The following ST8SIA5 variants were observed in gnomAD, a reference collection of about 807,000 sequenced individuals.
The protein encoded by ST8SIA5 is alpha-2,8-sialyltransferase 8E.
In ST8SIA5, 24 loss-of-function variants were observed where a neutral mutation model predicts 40.2. The ratio of observed to expected loss-of-function variants is 0.60; its 90% CI spans 0.43 to 0.84. ST8SIA5 has a LOEUF of 0.84. Among genes scored for constraint, ST8SIA5 ranks in the 40% least tolerant of loss-of-function variants. The pLI is 0.00. For synonymous variants in ST8SIA5, 198 were observed against 201.8 expected, an observed-to-expected ratio of 0.98 and a Z score of 0.16; for missense variants, 465 against 498.5, an observed-to-expected ratio of 0.93 and a Z score of 0.64.
chr18:46,696,924 C>G (rs990657494), intron 2 of ST8SIA5, among the ~76,000 whole-genome samples: 2 of 151,980 alleles, frequency 1.3e-5, no homozygotes, highest in Non-Finnish European at 2.9e-5. Context: ...TACCTAGAGC[C>G]AATCTGCACA....
Position 46,710,363 on chromosome 18 carries a change from T to TTTTCTTTCTTTCTTTCTTTCTTTCTTTC in ST8SIA5, c.132-5727_132-5700dup, listed in dbSNP as rs71162817. Among the ~76,000 whole-genome samples the TTTTCTTTCTTTCTTTCTTTCTTTCTTTC allele has an allele frequency of 8.1e-4, 93 of 114,484 alleles. 1 individual carries two copies. Among genetic ancestry groups the TTTTCTTTCTTTCTTTCTTTCTTTCTTTC allele is most frequent in the Non-Finnish European group, 1.0e-3 (55 of 54,498 alleles). 75.1% of individuals were successfully genotyped at this position (114,484 alleles called of 152,430 possible). ...CTTCCTTTCCTTCTTTCCTTCTTTC[T>TTTTCTTTCTTTCTTTCTTTCTTTCTTTC]TTTCTTTCTTTCTTTCTTTCTTTCT... On this transcript the variant is annotated intron_variant, in intron 1 of 6. Transcript: ENST00000315087.
At chr18:46,739,208 G>A (rs1222156771) in intron 1 of ST8SIA5, among the ~76,000 whole-genome samples, 3 of 152,070 alleles carry the variant, frequency 2.0e-5, no homozygotes. Flanking sequence ...AGGCAGCGTG[G>A]GTGAAGGCCC....
At chr18:46,721,597 TG>T in intron 1 of ST8SIA5, 1 of 739,716 alleles carries the variant, frequency 1.4e-6, no homozygotes, top group East Asian at 2.7e-5. Flanking sequence ...AAGGAGGCGA[TG>T]GTACTGACTC....
chr18:46,744,933 A>C (rs200888554), intron 1 of ST8SIA5, among the ~76,000 whole-genome samples: 3 of 152,232 alleles, frequency 2.0e-5, no homozygotes, highest in African/African-American at 7.2e-5. Context: ...GCACAACTAC[A>C]TGGAAACTGA....
chr18:46,742,158 C>T (rs866237674), intron 1 of ST8SIA5, among the ~76,000 whole-genome samples: 2 of 151,514 alleles, frequency 1.3e-5, no homozygotes, highest in Non-Finnish European at 1.5e-5. Flanking sequence ...AAACTTTTAA[C>T]ACATTCTACA....
rs2039301770 is a variant in ST8SIA5 at position 46,670,358 on chromosome 18, ATT to A, written c.*9682_*9683del. 2 of 152,188 alleles carry A rather than the reference ATT, an allele frequency of 1.3e-5. No individual in the cohort carries two copies. Among genetic ancestry groups the A allele is most frequent in the Non-Finnish European group, 2.9e-5 (2 of 68,056 alleles). 9.4% of individuals were successfully genotyped at this position (152,188 alleles called of 1,614,324 possible). A position where few individuals can be genotyped will look rare whatever the true frequency, so the allele number is the denominator to read the frequency against. ...GAAATGCTGTGTTGCTCCCGGGGTTATTATAACATATTCTCCCTCTCTTCCCC... is the reference window on the plus strand; with the variant it reads ...GAAATGCTGTGTTGCTCCCGGGGTTAATAACATATTCTCCCTCTCTTCCCC... On this transcript the variant is annotated 3_prime_UTR_variant, in exon 7 of 7. Coordinates refer to ENST00000315087, the MANE Select transcript of ST8SIA5 (RefSeq NM_013305.6).
intron 3 of ST8SIA5, among the ~76,000 whole-genome samples, chr18:46,691,044 C>G (rs1433939883): frequency 6.6e-6 from 1 of 152,218 alleles, no homozygotes; most frequent in Non-Finnish European, 1.5e-5. Flanking sequence ...CCCAGGGGCA[C>G]CTCTGTGCAG....
intron 2 of ST8SIA5, 119 bp downstream of exon 2, chr18:46,704,453 T>TC: frequency 1.1e-6 from 1 of 873,998 alleles, no homozygotes; most frequent in South Asian, 1.6e-5. Flanking sequence ...TACTTTTCGC[T>TC]CTATAGGAAC....
At position 46,757,007 on chromosome 18, in the gene ST8SIA5, G is replaced by C. The variant is rs1308801678; in HGVS notation, c.-499C>G. On this transcript the variant is annotated 5_prime_UTR_variant, in exon 1 of 7. Transcript: ENST00000315087. ...CGGGGGCGGGCCACGTTTGATCTCC[G>C]GGCCCGCAGCAAGGGATCGCGAAGG... 2.6e-5 allele frequency: 4 copies of C among 154,466 alleles called. No individual in the cohort carries two copies. The highest frequency in any genetic ancestry group is 1.9e-4 in the East Asian group (1 of 5,172). 9.6% of individuals were successfully genotyped at this position (154,466 alleles called of 1,614,324 possible).
chr18:46,711,646 C>T (rs961595967), intron 1 of ST8SIA5, among the ~76,000 whole-genome samples: 1 of 152,318 alleles, frequency 6.6e-6, no homozygotes, highest in African/African-American at 2.4e-5. Flanking sequence ...TCACAGCAAA[C>T]GCACAGAAAT....
At chr18:46,756,090 G>A (rs140939580) in intron 1 of ST8SIA5, among the ~76,000 whole-genome samples, 1 of 152,358 alleles carries the variant, frequency 6.6e-6, no homozygotes, top group Admixed American at 6.5e-5. Flanking sequence ...GTCTCTCCGG[G>A]TATTAAATGG....
intron 1 of ST8SIA5, among the ~76,000 whole-genome samples, chr18:46,713,401 C>T (rs535163503): frequency 1.3e-5 from 2 of 152,304 alleles, no homozygotes; most frequent in South Asian, 4.2e-4. Context: ...TTCCTGTGCC[C>T]TCAGACATCT....
At position 46,673,703 on chromosome 18, in the gene ST8SIA5, C is replaced by G. The variant is rs1485804628; in HGVS notation, c.*6339G>C. On this transcript the variant is annotated 3_prime_UTR_variant, in exon 7 of 7. Coordinates refer to ENST00000315087, the MANE Select transcript of ST8SIA5 (RefSeq NM_013305.6). ...TGTAGATCTATACTGTAGGTCTATCCAGTCTACCCTTTGAAGATCACACTG... is the reference window on the plus strand; with the variant it reads ...TGTAGATCTATACTGTAGGTCTATCGAGTCTACCCTTTGAAGATCACACTG... 1 of 151,948 alleles carries G rather than the reference C, an allele frequency of 6.6e-6. No homozygotes were observed. The highest frequency in any genetic ancestry group is 2.4e-5 in the African/African-American group (1 of 41,354). The allele number at this position is 151,948 out of a possible 1,614,324, so 9.4% of individuals were successfully genotyped here. A position where few individuals can be genotyped will look rare whatever the true frequency, so the allele number is the denominator to read the frequency against.
intron 5 of ST8SIA5, among the ~76,000 whole-genome samples, chr18:46,684,396 A>T (rs577445361): frequency 6.6e-6 from 1 of 152,330 alleles, no homozygotes; most frequent in South Asian, 2.1e-4. Flanking sequence ...TTTTCCTTAT[A>T]ATAAAACTTA....
chr18:46,728,671 C>A (rs1447470977), intron 1 of ST8SIA5, among the ~76,000 whole-genome samples: 3 of 152,210 alleles, frequency 2.0e-5, no homozygotes, highest in Non-Finnish European at 4.4e-5. Flanking sequence ...TGCAACTGAA[C>A]CCATCCTTGC....
intron 2 of ST8SIA5, among the ~76,000 whole-genome samples, chr18:46,693,248 G>A (rs575000956): frequency 2.0e-5 from 3 of 152,222 alleles, no homozygotes; most frequent in African/African-American, 4.8e-5. Flanking sequence ...GTTCTCTTGG[G>A]AACATCTGTC....
intron 1 of ST8SIA5, among the ~76,000 whole-genome samples, chr18:46,722,569 C>T (rs944146448): frequency 2.0e-5 from 3 of 152,190 alleles, no homozygotes; most frequent in Non-Finnish European, 1.5e-5. Flanking sequence ...TTGGTGCCCG[C>T]TTAATTGCCC....
chr18:46,720,315 C>A (rs1441016771), intron 1 of ST8SIA5, among the ~76,000 whole-genome samples: 1 of 152,112 alleles, frequency 6.6e-6, no homozygotes, highest in Non-Finnish European at 1.5e-5. Context: ...CCACCTTACC[C>A]GTGATGTCCA....
At chr18:46,702,683 C>T (rs886248110) in intron 2 of ST8SIA5, among the ~76,000 whole-genome samples, 2 of 152,230 alleles carry the variant, frequency 1.3e-5, no homozygotes, top group African/African-American at 4.8e-5. Flanking sequence ...CTCAGAGAAG[C>T]GTTGCCTGAC....
Sources: allele counts gnomAD v4.1 joint callset (sites outside exome capture counted in the v4.1 genomes callset), GRCh38; gene constraint gnomAD v4.1.1; transcripts MANE v1.5; gene names NCBI Gene and HGNC (gene_info 2026-07-23, HGNC 2026-07-21).